Variants in PITPNM1 observed in about 807,000 individuals in gnomAD.
PITPNM1 encodes the protein phosphatidylinositol transfer protein membrane associated 1.
In PITPNM1, 74 loss-of-function variants were observed where a neutral mutation model predicts 133.3. The observed-to-expected ratio is 0.56, with a 90% CI of 0.46 to 0.67. The LOEUF is 0.67. Among genes scored for constraint, PITPNM1 ranks in the 30% least tolerant of loss-of-function variants. PITPNM1 has a pLI of 0.00. For synonymous variants in PITPNM1, 738 were observed against 741.4 expected, an observed-to-expected ratio of 1.00 and a Z score of 0.08; for missense variants, 1,398 against 1,739.5, an observed-to-expected ratio of 0.80 and a Z score of 3.49.
At position 67,491,973 on chromosome 11, in the gene PITPNM1, C is replaced by A. The variant is rs1865937783; in HGVS notation, c.*60G>T. 2 of 1,560,174 alleles carry A rather than the reference C, an allele frequency of 1.3e-6. No individual in the cohort carries two copies. Among genetic ancestry groups the A allele is most frequent in the African/African-American group, 1.4e-5 (1 of 73,826 alleles). ...GTCTGGGTCCCCAGCCTCCCACACG[C>A]AGCCCCTCGGGCCCCTTGGGTGTGT... On this transcript the variant is annotated 3_prime_UTR_variant, in exon 24 of 24. Transcript: ENST00000356404.
chr11:67,497,570 C>A lies in PITPNM1; in HGVS notation c.1892G>T (p.Arg631Leu). ...AGGACTGGCCATGTCGCTGGGGATG[C>A]GCTGGGGAGGCAAGGCCGAGGGTTC... ...SPEPSALPPQ[R>L]IPSDMASPEP... The change falls in exon 13 of 24, where the codon CGC becomes CTC. Residue 631 changes from arginine (R) to leucine (L), a missense_variant. Around this residue, in one of 5 missense-constraint regions of PITPNM1, gnomAD observed 574 missense variants for 698.7 expected, o/e 0.82. Coordinates refer to ENST00000356404, the MANE Select transcript of PITPNM1 (RefSeq NM_004910.3). The A allele has an allele frequency of 3.1e-6, 5 of 1,608,350 alleles. No individual in the cohort carries two copies. The East Asian group carries it at 8.9e-5, about 29-fold the overall frequency.
chr11:67,503,472 G>GC (rs1203360910), intron 2 of PITPNM1, among the ~76,000 whole-genome samples: 3 of 152,180 alleles, frequency 2.0e-5, no homozygotes, highest in Non-Finnish European at 4.4e-5. Context: ...GAGCTTGAGA[G>GC]CCCCCAGATC....
chr11:67,494,734 G>A, intron 18 of PITPNM1, 112 bp downstream of exon 18: 1 of 676,952 alleles, frequency 1.5e-6, no homozygotes, highest in Non-Finnish European at 2.6e-6. Context: ...CTGGGAGAGA[G>A]TTGGATCGGC....
intron 16 of PITPNM1, 92 bp from the exon 17 acceptor site, chr11:67,495,317 A>C: frequency 2.7e-6 from 4 of 1,475,958 alleles, no homozygotes; most frequent in Non-Finnish European, 3.6e-6. Context: ...CTTTTCACCC[A>C]GCCTGCTCTT....
Position 67,494,500 on chromosome 11 carries a change from G to A in PITPNM1, c.2743-140C>T, listed in dbSNP as rs956192575. 4 of 650,716 alleles carry A rather than the reference G, an allele frequency of 6.1e-6. No homozygotes were observed. The East Asian group carries it at 8.2e-5, about 13-fold the overall frequency. 40.3% of individuals were successfully genotyped at this position (650,716 alleles called of 1,614,324 possible). ...GGCATTGAGGGAAAAGGGCAAGCCC[G>A]GGGGGCGCACTTTTGTGGACCCCGG... On this transcript the variant is annotated intron_variant, in intron 18 of 23. Coordinates refer to ENST00000356404, the MANE Select transcript of PITPNM1 (RefSeq NM_004910.3).
intron 5 of PITPNM1, among the ~76,000 whole-genome samples, chr11:67,501,070 C>A (rs1866308052): frequency 6.6e-6 from 1 of 152,222 alleles, no homozygotes; most frequent in Non-Finnish European, 1.5e-5. Flanking sequence ...TGAATTTCCT[C>A]ACCTGTAAAA....
At position 67,496,329 on chromosome 11, in the gene PITPNM1, G is replaced by A; in HGVS notation, c.2166C>T (p.Ala722=). The A allele has an allele frequency of 1.3e-6, 2 of 1,581,236 alleles. No homozygotes were observed. The highest frequency in any genetic ancestry group is 1.7e-6 in the Non-Finnish European group (2 of 1,168,666). Residue 722 remains alanine, a synonymous_variant, in exon 15 of 24, where the codon GCC becomes GCT. Coordinates refer to ENST00000356404, the MANE Select transcript of PITPNM1 (RefSeq NM_004910.3). ...GGAAGAGGTTGTAGATCTGTTCACA[G>A]GCTGGGCGCATCTGGGCTGCTGGTA... ...PALEAAQMRP[A]CEQIYNLFHA...
Sources: allele counts gnomAD v4.1 joint callset (sites outside exome capture counted in the v4.1 genomes callset), GRCh38; gene constraint gnomAD v4.1.1; regional missense constraint gnomAD v4.1.1; transcripts MANE v1.5; gene names NCBI Gene and HGNC (gene_info 2026-07-23, HGNC 2026-07-21).